PCDHGA3: variants seen among roughly 807,000 people sequenced by gnomAD.
PCDHGA3 encodes protocadherin gamma-A3.
PCDHGA3 carries 40 observed loss-of-function variants against 58.5 expected under a neutral mutation model. The ratio of observed to expected loss-of-function variants is 0.68; its 90% confidence interval spans 0.53 to 0.89. The LOEUF is 0.89. Ranked by LOEUF, PCDHGA3 falls within the 40% of genes least tolerant of loss-of-function variation. PCDHGA3 has a pLI of 0.00. For missense variants in PCDHGA3, 1,223 were observed against 1,195.9 expected (o/e 1.02, Z -0.33); for synonymous variants, 530 against 525.7 (o/e 1.01, Z -0.11).
intron 1 of PCDHGA3, chr5:141,392,909 C>T: frequency 1.2e-6 from 2 of 1,613,876 alleles, no homozygotes; most frequent in Admixed American, 3.3e-5. Flanking sequence ...GACAGATTCG[C>T]TACTCTGTGC....
chr5:141,435,409 G>A (rs1387678336), intron 1 of PCDHGA3, among the ~76,000 whole-genome samples: 1 of 152,066 alleles, frequency 6.6e-6, no homozygotes, highest in African/African-American at 2.4e-5. Context: ...AAATGGTAAA[G>A]ACTATTTTTC....
chr5:141,349,194 C>G (rs138459537), intron 1 of PCDHGA3, among the ~76,000 whole-genome samples: 1 of 151,982 alleles, frequency 6.6e-6, no homozygotes, highest in African/African-American at 2.4e-5. Flanking sequence ...CTCAACCTCC[C>G]GAGTAGCTGG....
chr5:141,345,170 T>G lies in PCDHGA3; in HGVS notation c.1137T>G (p.Asn379Lys). 1 of 1,614,000 alleles carries G rather than the reference T, an allele frequency of 6.2e-7. No individual in the cohort carries two copies. The highest frequency in any genetic ancestry group is 2.2e-5 in the East Asian group (1 of 44,890). The change falls in exon 1 of 4, where the codon AAT becomes AAG. Residue 379 changes from asparagine to lysine, a missense_variant. By Grantham distance (94) the Asn-to-Lys change is moderately conservative (BLOSUM62 0). Transcript: ENST00000253812. ...IDVHDRDSGQ[N>K]GQVEVFVLGN... ...TGCATGACCGAGATTCTGGGCAGAATGGGCAGGTTGAAGTTTTTGTCCTGG... is the reference window on the plus strand; with the variant it reads ...TGCATGACCGAGATTCTGGGCAGAAGGGGCAGGTTGAAGTTTTTGTCCTGG...
At chr5:141,381,370 G>A (rs562934988) in intron 1 of PCDHGA3, among the ~76,000 whole-genome samples, 1 of 152,320 alleles carries the variant, frequency 6.6e-6, no homozygotes, top group East Asian at 1.9e-4. Context: ...GGTAGCCTCG[G>A]ATCCATCAAT....
intron 1 of PCDHGA3, chr5:141,361,206 G>A (rs781055264): frequency 6.2e-7 from 1 of 1,613,902 alleles, no homozygotes; most frequent in Non-Finnish European, 8.5e-7. Context: ...CTCCCCTACC[G>A]GAGGATTCGC....
chr5:141,460,649 A>G (rs1171722531), intron 1 of PCDHGA3, among the ~76,000 whole-genome samples: 2 of 152,152 alleles, frequency 1.3e-5, no homozygotes, highest in Non-Finnish European at 2.9e-5. Flanking sequence ...GTGTTTACAC[A>G]TATGTAACTG....
chr5:141,404,992 C>G (rs2094593837), intron 1 of PCDHGA3: 5 of 1,613,876 alleles, frequency 3.1e-6, no homozygotes, highest in Admixed American at 3.3e-5. Context: ...GTCTTCAGAT[C>G]CCTGCAGACC....
rs1244735686 is a variant in PCDHGA3 at position 141,432,142 on chromosome 5, C to A, written c.2425-62665C>A. 1 of 1,614,098 alleles carries A rather than the reference C, an allele frequency of 6.2e-7. No homozygotes were observed. The highest frequency in any genetic ancestry group is 1.1e-5 in the South Asian group (1 of 91,066). On this transcript the variant is annotated intron_variant, in intron 1 of 3. Transcript: ENST00000253812. This position sits in a 1 kb window ranked among gnomAD's most constrained non-coding sequence, Gnocchi z 6.0. ...CTCAGGCCTCCTATTCCGCTTATAT[C>A]CCAGAGAACAATCCCAGAGGAGTTT...
chr5:141,374,832 G>C, intron 1 of PCDHGA3: 13 of 1,613,908 alleles, frequency 8.1e-6, no homozygotes, highest in Non-Finnish European at 1.1e-5. Context: ...TACCGTGTAA[G>C]TGTTCCTGAA....
intron 1 of PCDHGA3, chr5:141,357,208 G>A: frequency 1.2e-6 from 2 of 1,613,854 alleles, no homozygotes; most frequent in African/African-American, 1.3e-5. Flanking sequence ...CAGCATCCCA[G>A]ATGTCCTGGC....
intron 1 of PCDHGA3, chr5:141,422,879 T>A: frequency 6.2e-7 from 1 of 1,614,240 alleles, no homozygotes; most frequent in Non-Finnish European, 8.5e-7. Context: ...TCGCTGAGCC[T>A]GTTCGTGCTG....
intron 1 of PCDHGA3, chr5:141,352,669 C>T (rs756977674): frequency 2.5e-5 from 39 of 1,582,668 alleles, no homozygotes; most frequent in Non-Finnish European, 3.1e-5. Flanking sequence ...TGTCTTCGCA[C>T]GTGAGTTTCT....
At chr5:141,370,362 CGGATTTA>C in intron 1 of PCDHGA3, 2 of 1,517,790 alleles carry the variant, frequency 1.3e-6, no homozygotes, top group Non-Finnish European at 1.8e-6. Flanking sequence ...CTCCTCTCCT[CGGATTTA>C]GAAAGGCAAA....
rs531352412 is a variant in PCDHGA3, at chr5:141,382,380, A to G, written c.2424+35923A>G. ...AATAAAATTTACCTTTTTGCCTTCAATAACTGATTTTCCCATGTGCAATAA... is the reference window on the plus strand; with the variant it reads ...AATAAAATTTACCTTTTTGCCTTCAGTAACTGATTTTCCCATGTGCAATAA... On this transcript the variant is annotated intron_variant, in intron 1 of 3. Coordinates refer to ENST00000253812, the MANE Select transcript of PCDHGA3 (RefSeq NM_018916.4). 3.3e-5 allele frequency among the ~76,000 whole-genome samples: 5 copies of G among 152,324 alleles called. No individual in the cohort carries two copies. The South Asian group carries it at 8.3e-4, about 25-fold the overall frequency.
chr5:141,385,657 C>T, intron 1 of PCDHGA3: 1 of 611,856 alleles, frequency 1.6e-6, no homozygotes, highest in Admixed American at 4.9e-5. Context: ...ACAAGGTTAG[C>T]AGGAATAAAA....
rs1028054307 is a variant in PCDHGA3 at position 141,417,708 on chromosome 5, G to A, written c.2424+71251G>A. The A allele has an allele frequency of 2.4e-5, 29 of 1,227,762 alleles. No homozygotes were observed. In the South Asian group the frequency reaches 2.9e-4, roughly 12 times the overall value. 76.1% of individuals were successfully genotyped at this position (1,227,762 alleles called of 1,614,324 possible). On this transcript the variant is annotated intron_variant, in intron 1 of 3. Transcript: ENST00000253812. ...AAAGAAAACCAGCTCCCACACAGAG[G>A]CTCCCGGCTGCGCAGACCTTGCCCA... is the stretch of plus-strand genomic sequence containing the variant.
chr5:141,386,911 G>A (rs1312159511), intron 1 of PCDHGA3, among the ~76,000 whole-genome samples: 2 of 152,190 alleles, frequency 1.3e-5, no homozygotes, highest in South Asian at 2.1e-4. Flanking sequence ...AGGTCACCAA[G>A]GAATGTAAAA....
At chr5:141,420,453 C>A (rs1026053173) in intron 1 of PCDHGA3, 76 of 977,580 alleles carry the variant, frequency 7.8e-5, no homozygotes, top group Non-Finnish European at 8.8e-5. Context: ...AGTCTTCCTA[C>A]TATTCAAAGA....
chr5:141,365,873 T>A, intron 1 of PCDHGA3: 4 of 1,614,096 alleles, frequency 2.5e-6, no homozygotes, highest in Non-Finnish European at 3.4e-6. Context: ...CGGTGTCCTG[T>A]ATGCTCTGAG....
Sources: gnomAD v4.1 joint callset for allele counts (sites outside exome capture counted in the v4.1 genomes callset) on GRCh38, gnomAD v4.1.1 for gene constraint, Gnocchi (gnomAD v3.1) non-coding constraint, MANE v1.5 for transcripts, NCBI Gene and HGNC (gene_info 2026-07-23, HGNC 2026-07-21) for gene names.